Variants in CWC22 observed in about 807,000 individuals in gnomAD.
CWC22 encodes the protein CWC22 spliceosome associated protein, also known as pre-mRNA-splicing factor CWC22 homolog.
In CWC22, 53 loss-of-function variants were observed where a neutral mutation model predicts 117.2. That is an observed-to-expected ratio of 0.45 (90% CI 0.36 to 0.57). The LOEUF is 0.57. CWC22 is among the 20% of genes least tolerant of loss of function. CWC22 has a pLI of 0.00. For synonymous variants in CWC22, 360 were observed against 355.6 expected (o/e 1.01, Z -0.14); for missense variants, 980 against 1,068.8 (o/e 0.92, Z 1.16).
At chr2:179,985,157 A>G (rs1687386491) in intron 4 of CWC22, among the ~76,000 whole-genome samples, 1 of 152,080 alleles carries the variant, frequency 6.6e-6, no homozygotes, top group Admixed American at 6.5e-5. Context: ...AATCTGCATG[A>G]ATATGGAATC....
At chr2:179,982,526 G>A (rs1687310404) in intron 4 of CWC22, among the ~76,000 whole-genome samples, 1 of 152,162 alleles carries the variant, frequency 6.6e-6, no homozygotes. Flanking sequence ...GAAGAAACCA[G>A]AGTTAATCTC....
intron 11 of CWC22, 96 bp downstream of exon 11, chr2:179,970,405 A>C (rs1261709179): frequency 5.1e-6 from 6 of 1,183,360 alleles, no homozygotes; most frequent in African/African-American, 1.6e-5. Context: ...GCGATTCATT[A>C]GGTGGGGATC....
chr2:179,973,104 A>G, intron 8 of CWC22, 89 bp downstream of exon 8: 1 of 698,362 alleles, frequency 1.4e-6, no homozygotes, highest in South Asian at 2.3e-5. Context: ...TATAAAGCAA[A>G]GCAAAAATAG....
rs545977710 is a variant in CWC22 at position 179,945,474 on chromosome 2, T to C, written c.2382A>G (p.Arg794=). The change falls in exon 20 of 20, where the codon CGA becomes CGG. Residue 794 remains arginine, a synonymous_variant. Coordinates refer to ENST00000410053, the MANE Select transcript of CWC22 (RefSeq NM_020943.3). ...YTSDKDVPSE[R]NNYSRVANDR... ...CATTCGCAACTCTACTGTAGTTATT[T>C]CGTTCAGAAGGAACATCTTTGTCTG... 5 of 1,613,084 alleles carry C rather than the reference T, an allele frequency of 3.1e-6. No individual in the cohort carries two copies. The highest frequency in any genetic ancestry group is 2.2e-5 in the South Asian group (2 of 91,076).
intron 1 of CWC22, among the ~76,000 whole-genome samples, chr2:179,995,167 G>A (rs1004790234): frequency 6.6e-6 from 1 of 152,180 alleles, no homozygotes; most frequent in African/African-American, 2.4e-5. Context: ...AAATCCTGAT[G>A]CCCACAGACT....
chr2:179,960,790 G>A (rs1686731021), intron 13 of CWC22, among the ~76,000 whole-genome samples: 1 of 151,964 alleles, frequency 6.6e-6, no homozygotes, highest in South Asian at 2.1e-4. Flanking sequence ...AATTTGAAAA[G>A]TCATTTCTTG....
chr2:179,972,457 T>C (rs1484223939), intron 8 of CWC22, among the ~76,000 whole-genome samples: 1 of 152,206 alleles, frequency 6.6e-6, no homozygotes, highest in Non-Finnish European at 1.5e-5. Context: ...TTCTATCAAG[T>C]GATTCTAAAA....
intron 1 of CWC22, 123 bp downstream of exon 1, chr2:180,006,744 G>A (rs1687988991): frequency 6.6e-6 from 1 of 152,280 alleles, no homozygotes; most frequent in Admixed American, 6.5e-5. Flanking sequence ...ATAAAACGCA[G>A]TGCACAAGAA....
intron 8 of CWC22, among the ~76,000 whole-genome samples, chr2:179,972,264 T>G (rs1414897234): frequency 6.6e-6 from 1 of 152,156 alleles, no homozygotes; most frequent in Non-Finnish European, 1.5e-5. Context: ...GATATTAAAT[T>G]GGAAATGATA....
chr2:179,965,552 A>G (rs1159958096), intron 12 of CWC22, among the ~76,000 whole-genome samples: 1 of 152,208 alleles, frequency 6.6e-6, no homozygotes, highest in Admixed American at 6.5e-5. Flanking sequence ...ATAAGAAAAC[A>G]TGTTTTTCAT....
At chr2:179,988,502 A>G in intron 3 of CWC22, 75 bp downstream of exon 3, 1 of 782,226 alleles carries the variant, frequency 1.3e-6, no homozygotes, top group Non-Finnish European at 2.0e-6. Flanking sequence ...AAAATTAGAA[A>G]TCTAAGAGCT....
At chr2:179,982,849 T>C (rs1415151662) in intron 4 of CWC22, among the ~76,000 whole-genome samples, 3 of 152,210 alleles carry the variant, frequency 2.0e-5, no homozygotes, top group Non-Finnish European at 4.4e-5. Context: ...GAGCTGCTTT[T>C]TACATATACT....
At chr2:179,963,856 G>C (rs921641856) in intron 13 of CWC22, among the ~76,000 whole-genome samples, 7 of 152,156 alleles carry the variant, frequency 4.6e-5, no homozygotes, top group African/African-American at 1.7e-4. Flanking sequence ...AAAGAAAACT[G>C]AGAAAACATT....
At chr2:179,967,378 A>C (rs1366804723) in intron 11 of CWC22, among the ~76,000 whole-genome samples, 1 of 152,212 alleles carries the variant, frequency 6.6e-6, no homozygotes, top group African/African-American at 2.4e-5. Flanking sequence ...TAACTGAATA[A>C]AGGAGTGGTT....
intron 13 of CWC22, among the ~76,000 whole-genome samples, chr2:179,963,197 T>C (rs536033505): frequency 5.9e-4 from 89 of 150,916 alleles, no homozygotes; most frequent in Admixed American, 1.8e-3. Context: ...ACTAACACAG[T>C]AAATCTGCTG....
At position 179,945,310 on chromosome 2, in the gene CWC22, T is replaced by C. The variant is rs1460274671; in HGVS notation, c.2546A>G (p.Lys849Arg). ...RIKDSENFRR[K>R]DRSKSKEMNR... ...CATTTCCTTTGACTTTGATCTATCT[T>C]TTCTTCTGAAATTTTCACTGTCTTT... The change falls in exon 20 of 20, where the codon AAA becomes AGA. Residue 849 changes from lysine to arginine, a missense_variant. Transcript: ENST00000410053. 5 of 1,613,428 alleles carry C rather than the reference T, an allele frequency of 3.1e-6. No individual in the cohort carries two copies. In the Admixed American group the frequency reaches 6.7e-5, roughly 22 times the overall value.
At chr2:179,984,811 G>A (rs1226495407) in intron 4 of CWC22, among the ~76,000 whole-genome samples, 1 of 151,986 alleles carries the variant, frequency 6.6e-6, no homozygotes, top group African/African-American at 2.4e-5. Flanking sequence ...TGTTAGTTTT[G>A]TAAGATTAAT....
chr2:180,002,477 G>A (rs1036178686), intron 1 of CWC22, among the ~76,000 whole-genome samples: 1 of 152,080 alleles, frequency 6.6e-6, no homozygotes, highest in Non-Finnish European at 1.5e-5. Flanking sequence ...AATAGTAAAA[G>A]AAGATGAAAA....
At chr2:179,993,071 A>G (rs1687611180) in intron 2 of CWC22, among the ~76,000 whole-genome samples, 1 of 152,192 alleles carries the variant, frequency 6.6e-6, no homozygotes, top group Non-Finnish European at 1.5e-5. Flanking sequence ...CCTCTTGCAC[A>G]CTAATACTTC....
Sources: allele counts gnomAD v4.1 joint callset (sites outside exome capture counted in the v4.1 genomes callset), GRCh38; gene constraint gnomAD v4.1.1; transcripts MANE v1.5; gene names NCBI Gene and HGNC (gene_info 2026-07-23, HGNC 2026-07-21).